The following DOCK4 variants were observed in gnomAD, a reference collection of about 807,000 sequenced individuals.
DOCK4 encodes the protein dedicator of cytokinesis protein 4.
In DOCK4, 97 loss-of-function variants were observed where a neutral mutation model predicts 268.1. The observed-to-expected ratio is 0.36, with a 90% confidence interval of 0.31 to 0.43. The LOEUF (loss-of-function observed/expected upper bound fraction) is 0.43. DOCK4 is among the 20% of genes least tolerant of loss of function. DOCK4 has a pLI of 1.00. For missense variants in DOCK4, 2,145 were observed against 2,455.7 expected (o/e 0.87, Z 2.67); for synonymous variants, 954 against 887.2 (o/e 1.08, Z -1.34).
chr7:111,759,993 C>T (rs1009372082), intron 40 of DOCK4, among the ~76,000 whole-genome samples, 188 bp downstream of exon 40: 5 of 152,056 alleles, frequency 3.3e-5, no homozygotes, highest in East Asian at 1.9e-4. Context: ...CTGACATCAT[C>T]GTAATAAATA....
chr7:111,852,578 T>G (rs1331668958), intron 23 of DOCK4, among the ~76,000 whole-genome samples: 1 of 151,544 alleles, frequency 6.6e-6, no homozygotes, highest in African/African-American at 2.4e-5. Flanking sequence ...GAAAGGAAGA[T>G]AAAGCTTATC....
At chr7:112,087,781 T>C (rs1307465741) in intron 1 of DOCK4, among the ~76,000 whole-genome samples, 2 of 152,128 alleles carry the variant, frequency 1.3e-5, no homozygotes, top group Admixed American at 6.6e-5. Flanking sequence ...TCCTGAGACC[T>C]AGACCATCAT....
At chr7:111,877,844 G>C (rs767149166) in intron 16 of DOCK4, among the ~76,000 whole-genome samples, 1 of 152,166 alleles carries the variant, frequency 6.6e-6, no homozygotes, top group Non-Finnish European at 1.5e-5. Flanking sequence ...CAGCAGAATT[G>C]TTGAAGAGGA....
chr7:111,797,174 A>G (rs1799957548), intron 30 of DOCK4, among the ~76,000 whole-genome samples: 1 of 152,206 alleles, frequency 6.6e-6, no homozygotes, highest in Admixed American at 6.5e-5. Context: ...GCACAAGGAC[A>G]GGGCATTTTT....
intron 1 of DOCK4, among the ~76,000 whole-genome samples, chr7:112,052,821 C>T (rs1445007582): frequency 1.3e-5 from 2 of 152,114 alleles, no homozygotes; most frequent in Admixed American, 1.3e-4. Context: ...TAATTCTCCT[C>T]TCAACATTCT....
chr7:111,747,972 A>G (rs1796381477), intron 42 of DOCK4, among the ~76,000 whole-genome samples: 1 of 152,206 alleles, frequency 6.6e-6, no homozygotes, highest in South Asian at 2.1e-4. Flanking sequence ...ACAGGATGGC[A>G]CACAGTTGGG....
intron 1 of DOCK4, among the ~76,000 whole-genome samples, chr7:112,048,258 A>G (rs1174828770): frequency 6.6e-5 from 10 of 152,046 alleles, no homozygotes; most frequent in Admixed American, 6.6e-4. Context: ...TCTTAAAAAT[A>G]TAAAAGAGAA....
chr7:111,848,659 C>G (rs938035154), intron 23 of DOCK4, among the ~76,000 whole-genome samples: 1 of 151,978 alleles, frequency 6.6e-6, no homozygotes, highest in Non-Finnish European at 1.5e-5. Flanking sequence ...TGGTCTGGGG[C>G]GGGGACTCTA....
At chr7:111,825,746 AAAG>A (rs1802341573) in intron 26 of DOCK4, among the ~76,000 whole-genome samples, 1 of 152,190 alleles carries the variant, frequency 6.6e-6, no homozygotes, top group African/African-American at 2.4e-5. Flanking sequence ...TCAAGATAAA[AAAG>A]AAACAGGGAG....
intron 36 of DOCK4, among the ~76,000 whole-genome samples, chr7:111,775,539 C>T (rs1798387517): frequency 6.6e-6 from 1 of 152,200 alleles, no homozygotes; most frequent in Non-Finnish European, 1.5e-5. Context: ...GACCATACCA[C>T]AGTTAATTCT....
In DOCK4 at chr7:112,026,178, C is replaced by A. The variant is rs1802768025; in HGVS notation, c.38-22047G>T. ...GCCATGGACCAGTACCATTCCTTGGCCTGTTAGGAACCCAACCGCACAGCA... is the reference window on the plus strand; with the variant it reads ...GCCATGGACCAGTACCATTCCTTGGACTGTTAGGAACCCAACCGCACAGCA... On this transcript the variant is annotated intron_variant, in intron 1 of 52. Transcript: ENST00000428084. Among the ~76,000 whole-genome samples the A allele has an allele frequency of 2.0e-5, 3 of 152,252 alleles. No individual in the cohort carries two copies. The South Asian group carries it at 6.2e-4, about 32-fold the overall frequency.
chr7:111,735,231 T>G, intron 50 of DOCK4, 64 bp from the exon 51 acceptor site: 1 of 1,111,048 alleles, frequency 9.0e-7, no homozygotes, highest in Admixed American at 3.0e-5. Flanking sequence ...GCTTGAGATC[T>G]TAGAAGAAAG....
At chr7:111,980,223 C>G (rs1798508369) in intron 7 of DOCK4, among the ~76,000 whole-genome samples, 1 of 152,214 alleles carries the variant, frequency 6.6e-6, no homozygotes, top group African/African-American at 2.4e-5. Context: ...GAAAATACCC[C>G]TCTTCCCATC....
At chr7:111,862,968 T>C (rs1045439776) in intron 23 of DOCK4, 8 of 201,366 alleles carry the variant, frequency 4.0e-5, no homozygotes, top group Admixed American at 2.3e-4. Context: ...TATAACAAAA[T>C]TAATTTGAGT....
At chr7:112,168,306 C>G (rs1817778734) in intron 1 of DOCK4, among the ~76,000 whole-genome samples, 1 of 152,178 alleles carries the variant, frequency 6.6e-6, no homozygotes, top group Non-Finnish European at 1.5e-5. Context: ...TCCATCATAC[C>G]TATTCTGATA....
chr7:112,119,308 C>T (rs955098733), intron 1 of DOCK4, among the ~76,000 whole-genome samples: 3 of 152,150 alleles, frequency 2.0e-5, no homozygotes, highest in Non-Finnish European at 4.4e-5. Context: ...CTGCCCCCAC[C>T]CCACTGTGGC....
chr7:111,908,359 G>A (rs571737813), intron 13 of DOCK4, among the ~76,000 whole-genome samples: 9 of 151,994 alleles, frequency 5.9e-5, no homozygotes, highest in East Asian at 5.9e-4. Flanking sequence ...GAGGCAGGAG[G>A]ATGGCATGAA....
At chr7:112,001,936 T>C (rs538263596) in intron 2 of DOCK4, among the ~76,000 whole-genome samples, 1 of 152,320 alleles carries the variant, frequency 6.6e-6, no homozygotes, top group South Asian at 2.1e-4. Flanking sequence ...TGTCTTTTTA[T>C]AGTTTAAAAC....
At chr7:111,825,735 T>G (rs1404546317) in intron 26 of DOCK4, among the ~76,000 whole-genome samples, 1 of 152,142 alleles carries the variant, frequency 6.6e-6, no homozygotes, top group Non-Finnish European at 1.5e-5. Flanking sequence ...CAAATCAGGG[T>G]TCAAGATAAA....
Sources: allele counts gnomAD v4.1 joint callset (sites outside exome capture counted in the v4.1 genomes callset), GRCh38; gene constraint gnomAD v4.1.1; transcripts MANE v1.5; gene names NCBI Gene and HGNC (gene_info 2026-07-23, HGNC 2026-07-21).